The following C8orf74 variants were observed in gnomAD, a reference collection of about 807,000 sequenced individuals.
C8orf74 encodes the protein uncharacterized protein C8orf74.
A neutral mutation model predicts 22.2 loss-of-function variants in C8orf74; 29 were observed. The observed-to-expected ratio is 1.31, with a 90% confidence interval of 0.97 to 1.78. C8orf74 has a LOEUF of 1.78. C8orf74 is among the 40% of genes most tolerant of loss of function. C8orf74 has a pLI of 0.00. For synonymous variants in C8orf74, 255 were observed against 163.1 expected, an observed-to-expected ratio of 1.56 and a Z score of -4.30; for missense variants, 515 against 369.9, an observed-to-expected ratio of 1.39 and a Z score of -3.22.
intron 2 of C8orf74, among the ~76,000 whole-genome samples, chr8:10,681,679 C>G (rs377061152): frequency 1.1e-3 from 167 of 152,256 alleles, no homozygotes; most frequent in African/African-American, 3.8e-3. Context: ...CTGCTCCGCC[C>G]TTCATCATCA....
intron 2 of C8orf74, chr8:10,679,944 C>G (rs1437196165): frequency 2.0e-5 from 3 of 153,160 alleles, no homozygotes; most frequent in African/African-American, 4.8e-5. Flanking sequence ...AAGGCCTGGC[C>G]TGGAGAGGCT....
chr8:10,691,714 T>A (rs1395771882), intron 2 of C8orf74: 1 of 152,448 alleles, frequency 6.6e-6, no homozygotes, highest in East Asian at 1.9e-4. Context: ...CTCTCACGTC[T>A]GGCCTCAGTA....
chr8:10,679,580 C>T (rs984900956), intron 2 of C8orf74, among the ~76,000 whole-genome samples: 2 of 152,240 alleles, frequency 1.3e-5, no homozygotes, highest in African/African-American at 4.8e-5. Flanking sequence ...GTAAACTCCC[C>T]TCCTGACTAA....
intron 2 of C8orf74, among the ~76,000 whole-genome samples, chr8:10,677,630 T>C (rs777118297): frequency 1.3e-4 from 19 of 151,966 alleles, no homozygotes; most frequent in Non-Finnish European, 2.1e-4. Context: ...CCCCACCACC[T>C]CCTAACTAAC....
At position 10,697,985 on chromosome 8, in the gene C8orf74, G is replaced by A. The variant is rs1386615681; in HGVS notation, c.628G>A (p.Gly210Ser). ...AFAAAAPAQP[G>S]QVLERQELES... ...CGCTGCCGCCGCGCCTGCGCAGCCC[G>A]GCCAGGTCCTGGAGAGACAGGTGAG... is the stretch of plus-strand genomic sequence containing the variant. Residue 210 changes from glycine (G) to serine (S), a missense_variant, in exon 3 of 4, where the codon GGC (glycine) becomes AGC (serine). By Grantham distance (56) the Gly-to-Ser change is moderately conservative. Coordinates refer to ENST00000304519, the MANE Select transcript of C8orf74 (RefSeq NM_001040032.2). 6.0e-6 allele frequency: 9 copies of A among 1,502,838 alleles called. No individual in the cohort carries two copies. The highest frequency in any genetic ancestry group is 2.3e-4 in the Middle Eastern group (1 of 4,306). The allele number at this position is 1,502,838 out of a possible 1,614,324, so 93.1% of individuals were successfully genotyped here. A position where few individuals can be genotyped will look rare whatever the true frequency, so the allele number is the denominator to read the frequency against.
rs1798992287 is a variant in C8orf74 at position 10,674,661 on chromosome 8, G to A, written c.64G>A (p.Glu22Lys). ...VFQLQRPQGR[E>K]RLRRLLNWEE... ...TTCCCTGCAGAGACCACAAGGTCGG[G>A]AGCGCCTGCGGAGGCTTCTGAACTG... The change falls in exon 2 of 4, where the codon GAG becomes AAG. Residue 22 changes from glutamate to lysine, a missense_variant. By Grantham distance (56) the Glu-to-Lys change is moderately conservative. Coordinates refer to ENST00000304519, the MANE Select transcript of C8orf74 (RefSeq NM_001040032.2). The A allele has an allele frequency of 3.1e-6, 5 of 1,608,800 alleles. No individual in the cohort carries two copies. The highest frequency in any genetic ancestry group is 4.2e-6 in the Non-Finnish European group (5 of 1,177,742).
intron 3 of C8orf74, among the ~76,000 whole-genome samples, chr8:10,698,584 T>C (rs1799582364): frequency 6.6e-6 from 1 of 152,100 alleles, no homozygotes; most frequent in Non-Finnish European, 1.5e-5. Context: ...GGGCTCTAGC[T>C]GCCAGCATTT....
chr8:10,697,550 G>C (rs1361895450), intron 2 of C8orf74, 49 bp from the exon 3 acceptor site: 1 of 1,560,152 alleles, frequency 6.4e-7, no homozygotes, highest in East Asian at 2.3e-5. Context: ...CTGCCTGGCA[G>C]GGCAGCTCTG....
chr8:10,686,933 A>G (rs551311806), intron 2 of C8orf74: 15 of 356,180 alleles, frequency 4.2e-5, no homozygotes, highest in Admixed American at 1.1e-4. Flanking sequence ...AAGAGCCTCC[A>G]CTACTCTTTG....
Position 10,674,709 on chromosome 8 carries a change from G to C in C8orf74, c.112G>C (p.Asp38His). The stretch of plus-strand genomic sequence containing the variant: ...CTGGGAGGAGTTTGACGAACAGAGA[G>C]ACTCCCGGAGGAGCATCCTGCTGGA... ...LNWEEFDEQRDSRRSILLDTL... is the reference protein window; with the variant it reads ...LNWEEFDEQRHSRRSILLDTL... The change falls in exon 2 of 4, where the codon GAC (aspartate) becomes CAC (histidine). Residue 38 changes from aspartate to histidine, a missense_variant. By Grantham distance (81) the Asp-to-His change is moderately conservative (BLOSUM62 -1). Coordinates refer to ENST00000304519, the MANE Select transcript of C8orf74 (RefSeq NM_001040032.2). 6.2e-7 allele frequency: 1 copy of C among 1,609,224 alleles called. No homozygotes were observed. The highest frequency in any genetic ancestry group is 1.1e-5 in the South Asian group (1 of 89,812).
intron 2 of C8orf74, chr8:10,691,087 G>A: frequency 1.6e-5 from 6 of 376,224 alleles, no homozygotes; most frequent in South Asian, 1.1e-4. Context: ...CCAAGAAAGT[G>A]TGTCTCATAA....
At chr8:10,676,728 C>T (rs1025589591) in intron 2 of C8orf74, among the ~76,000 whole-genome samples, 3 of 152,124 alleles carry the variant, frequency 2.0e-5, no homozygotes, top group African/African-American at 7.2e-5. Context: ...ATCCCTAGCC[C>T]CATGGACAGG....
intron 2 of C8orf74, among the ~76,000 whole-genome samples, chr8:10,681,771 C>G (rs547662796): frequency 6.6e-6 from 1 of 152,200 alleles, no homozygotes; most frequent in African/African-American, 2.4e-5. Context: ...TGGCCAGGCC[C>G]GCCAATCCCA....
intron 2 of C8orf74, among the ~76,000 whole-genome samples, chr8:10,694,692 C>T (rs1799451950): frequency 6.6e-6 from 1 of 152,226 alleles, no homozygotes; most frequent in Admixed American, 6.5e-5. Context: ...TGTTACTCAA[C>T]TTTCAGCTTA....
In C8orf74 at chr8:10,700,338, A is replaced by C; in HGVS notation, c.752A>C (p.Lys251Thr). The C allele has an allele frequency of 4.3e-6, 7 of 1,613,830 alleles. No homozygotes were observed. The highest frequency in any genetic ancestry group is 5.9e-6 in the Non-Finnish European group (7 of 1,179,800). The change falls in exon 4 of 4, where the codon AAG becomes ACG. Residue 251 changes from lysine (K) to threonine (T), a missense_variant. Transcript: ENST00000304519. ...AACACATTCGCCATCTTGGACCTGA[A>C]GCTTCAGAAGAAGACTCTGAACCTC... ...IQNTFAILDL[K>T]LQKKTLNLNA...
In C8orf74 at chr8:10,700,453, AG is replaced by A; in HGVS notation, c.868del (p.Ala290ArgfsTer?). 1 of 1,591,544 alleles carries A rather than the reference AG, an allele frequency of 6.3e-7. No individual in the cohort carries two copies. The highest frequency in any genetic ancestry group is 8.6e-7 in the Non-Finnish European group (1 of 1,168,652). The stretch of plus-strand genomic sequence containing the variant: ...CCCAAAGAGCGAGCAAAGGAAAGAA[AG>A]CGAAGGCAAGGAAGTAGAAGGTCCC... Reference protein sequence around the residue: ...KPQRASKGKKAKARK With the variant: ...KPQRASKGKKXKARK On this transcript the variant is annotated frameshift_variant, in exon 4 of 4. Transcript: ENST00000304519. LOFTEE classifies it high-confidence loss of function.
intron 2 of C8orf74, among the ~76,000 whole-genome samples, chr8:10,681,658 T>G (rs886433146): frequency 2.0e-4 from 31 of 152,214 alleles, no homozygotes; most frequent in African/African-American, 6.8e-4. Flanking sequence ...ACCACCACTC[T>G]GACCTCTGTG....
chr8:10,693,237 G>T (rs985283245), intron 2 of C8orf74, among the ~76,000 whole-genome samples: 2 of 152,276 alleles, frequency 1.3e-5, no homozygotes, highest in African/African-American at 2.4e-5. Flanking sequence ...TGCACAAGCT[G>T]CTCCCCCTCT....
At chr8:10,680,320 G>C (rs1467653996) in intron 2 of C8orf74, among the ~76,000 whole-genome samples, 1 of 152,196 alleles carries the variant, frequency 6.6e-6, no homozygotes, top group Non-Finnish European at 1.5e-5. Context: ...CTGTCAAATG[G>C]GGGCAGTAAC....
Sources: allele counts gnomAD v4.1 joint callset (sites outside exome capture counted in the v4.1 genomes callset), GRCh38; gene constraint gnomAD v4.1.1; transcripts MANE v1.5; gene names NCBI Gene and HGNC (gene_info 2026-07-23, HGNC 2026-07-21).